CWF19L2: variants seen among roughly 807,000 people sequenced by gnomAD.
The protein encoded by CWF19L2 is CWF19-like protein 2.
A neutral mutation model predicts 111.7 loss-of-function variants in CWF19L2; 98 were observed. The ratio of observed to expected loss-of-function variants is 0.88; its 90% CI spans 0.75 to 1.04. The LOEUF (loss-of-function observed/expected upper bound fraction) is 1.04. Among genes scored for constraint, CWF19L2 ranks in the 50% least tolerant of loss-of-function variants. CWF19L2 has a pLI of 0.00. For missense variants in CWF19L2, 1,101 were observed against 1,051.4 expected, an observed-to-expected ratio of 1.05 and a Z score of -0.65; for synonymous variants, 351 against 342.9, an observed-to-expected ratio of 1.02 and a Z score of -0.26.
At chr11:107,412,641 T>G (rs887885064) in intron 10 of CWF19L2, among the ~76,000 whole-genome samples, 1 of 152,146 alleles carries the variant, frequency 6.6e-6, no homozygotes, top group African/African-American at 2.4e-5. Context: ...GCGCCCAGCC[T>G]ACCAAAAGGA....
intron 12 of CWF19L2, among the ~76,000 whole-genome samples, chr11:107,358,577 A>G (rs554656893): frequency 2.0e-5 from 3 of 152,220 alleles, no homozygotes; most frequent in Non-Finnish European, 4.4e-5. Context: ...ACATTATGCT[A>G]AGTGAAAAAA....
intron 10 of CWF19L2, among the ~76,000 whole-genome samples, chr11:107,396,162 A>C (rs1300048437): frequency 1.3e-5 from 2 of 152,218 alleles, no homozygotes; most frequent in Non-Finnish European, 2.9e-5. Context: ...CTCTACACAG[A>C]AAATATGCAA....
intron 16 of CWF19L2, among the ~76,000 whole-genome samples, chr11:107,330,823 T>C (rs1291324195): frequency 2.0e-5 from 3 of 151,880 alleles, no homozygotes; most frequent in Non-Finnish European, 4.4e-5. Context: ...GGGTCATTTA[T>C]AGCAACATTT....
In CWF19L2 at chr11:107,368,574, A is replaced by C. The variant is rs1860466030; in HGVS notation, c.1873-14838T>G. Among the ~76,000 whole-genome samples, 4 of 138,362 alleles carry C rather than the reference A, an allele frequency of 2.9e-5. 1 individual carries two copies. In the South Asian group the frequency reaches 9.8e-4, roughly 34 times the overall value. The allele number at this position is 138,362 out of a possible 152,430, so 90.8% of individuals were successfully genotyped here. A position where few individuals can be genotyped will look rare whatever the true frequency, so the allele number is the denominator to read the frequency against. On this transcript the variant is annotated intron_variant, in intron 12 of 17. Transcript: ENST00000282251. Reference sequence around the variant, plus strand: ...GATATAAAGATATAATGATTTTATTAAACAGTGACTGACAGCTGATGATGT... The same window carrying C: ...GATATAAAGATATAATGATTTTATTCAACAGTGACTGACAGCTGATGATGT...
intron 3 of CWF19L2, among the ~76,000 whole-genome samples, chr11:107,453,935 G>A (rs1241819355): frequency 1.3e-5 from 2 of 152,016 alleles, no homozygotes; most frequent in Non-Finnish European, 2.9e-5. Flanking sequence ...CCTGTGAAAA[G>A]GGAAGAGTGG....
chr11:107,342,631 C>A (rs991929214), intron 14 of CWF19L2, among the ~76,000 whole-genome samples: 1 of 152,030 alleles, frequency 6.6e-6, no homozygotes, highest in African/African-American at 2.4e-5. Flanking sequence ...GAGTGTTATA[C>A]AAATATTGAT....
intron 7 of CWF19L2, among the ~76,000 whole-genome samples, chr11:107,433,246 A>T (rs113106912): frequency 3.9e-5 from 6 of 152,116 alleles, no homozygotes; most frequent in African/African-American, 1.2e-4. Flanking sequence ...TTGTTTTAAG[A>T]GTATATATAC....
intron 10 of CWF19L2, among the ~76,000 whole-genome samples, chr11:107,401,586 CACAA>C (rs1325722669): frequency 1.3e-5 from 2 of 152,224 alleles, no homozygotes; most frequent in Non-Finnish European, 2.9e-5. Flanking sequence ...TCACAGACGA[CACAA>C]ACAAATAGAA....
At chr11:107,415,202 T>C (rs1191196923) in intron 10 of CWF19L2, among the ~76,000 whole-genome samples, 2 of 152,152 alleles carry the variant, frequency 1.3e-5, no homozygotes, top group African/African-American at 4.8e-5. Context: ...ATTTCCATCT[T>C]TGGGCCTTTA....
Position 107,326,868 on chromosome 11 carries a change from T to C in CWF19L2, c.*42A>G, listed in dbSNP as rs1280283387. On this transcript the variant is annotated 3_prime_UTR_variant, in exon 18 of 18. Coordinates refer to ENST00000282251, the MANE Select transcript of CWF19L2 (RefSeq NM_152434.3). ...TCATTAGATGCAATGGAAATAAAAC[T>C]GAACGGGATCTGAAGAAAAATTTTA... 3.3e-6 allele frequency: 5 copies of C among 1,523,670 alleles called. No individual in the cohort carries two copies. The highest frequency in any genetic ancestry group is 1.4e-5 in the African/African-American group (1 of 70,988). 94.4% of individuals were successfully genotyped at this position (1,523,670 alleles called of 1,614,324 possible).
chr11:107,360,822 T>C (rs1860317799), intron 12 of CWF19L2, among the ~76,000 whole-genome samples: 1 of 152,240 alleles, frequency 6.6e-6, no homozygotes, highest in Non-Finnish European at 1.5e-5. Context: ...TGCCCACTTT[T>C]TAGTGGGACT....
chr11:107,329,828 G>A, intron 17 of CWF19L2, 90 bp downstream of exon 17: 1 of 936,560 alleles, frequency 1.1e-6, no homozygotes, highest in Admixed American at 2.9e-5. Flanking sequence ...CAATTTCTTT[G>A]TATACTGTGC....
At chr11:107,338,109 G>A (rs969345544) in intron 14 of CWF19L2, among the ~76,000 whole-genome samples, 2 of 152,066 alleles carry the variant, frequency 1.3e-5, no homozygotes, top group Non-Finnish European at 2.9e-5. Context: ...CCAGGCTGAA[G>A]TACCAGTGGC....
At chr11:107,335,970 C>G (rs1379290386) in intron 15 of CWF19L2, among the ~76,000 whole-genome samples, 1 of 152,074 alleles carries the variant, frequency 6.6e-6, no homozygotes, top group Non-Finnish European at 1.5e-5. Flanking sequence ...GCCTATAATT[C>G]CAGCACTTTG....
intron 10 of CWF19L2, among the ~76,000 whole-genome samples, chr11:107,408,323 G>C (rs563691161): frequency 1.4e-4 from 22 of 152,100 alleles, no homozygotes; most frequent in African/African-American, 5.3e-4. Context: ...GGCAAAGAAA[G>C]ACTGTAAAGG....
At chr11:107,428,363 T>C (rs1861409983) in intron 8 of CWF19L2, among the ~76,000 whole-genome samples, 1 of 152,128 alleles carries the variant, frequency 6.6e-6, no homozygotes, top group Admixed American at 6.6e-5. Flanking sequence ...TCACTTTATA[T>C]TTGGGCCGTG....
chr11:107,422,017 T>C (rs1861308912), intron 8 of CWF19L2, among the ~76,000 whole-genome samples: 1 of 152,010 alleles, frequency 6.6e-6, no homozygotes, highest in African/African-American at 2.4e-5. Flanking sequence ...AATAGTATAT[T>C]ACCCATCAAT....
At chr11:107,362,032 GTTCCCT>G (rs1333832533) in intron 12 of CWF19L2, among the ~76,000 whole-genome samples, 1 of 152,196 alleles carries the variant, frequency 6.6e-6, no homozygotes, top group Non-Finnish European at 1.5e-5. Flanking sequence ...GGGTCAGGGA[GTTCCCT>G]TTCTGAGTCA....
At chr11:107,442,062 G>T (rs1319234921) in intron 4 of CWF19L2, among the ~76,000 whole-genome samples, 1 of 151,990 alleles carries the variant, frequency 6.6e-6, no homozygotes, top group Non-Finnish European at 1.5e-5. Flanking sequence ...TGAGGTGAAG[G>T]GAAAAAAAAC....
Sources: gnomAD v4.1 joint callset for allele counts (sites outside exome capture counted in the v4.1 genomes callset) on GRCh38, gnomAD v4.1.1 for gene constraint, MANE v1.5 for transcripts, NCBI Gene and HGNC (gene_info 2026-07-23, HGNC 2026-07-21) for gene names.